DNAAF5: variants seen among roughly 807,000 people sequenced by gnomAD.
DNAAF5 encodes HEAT repeat containing 2.
Under a neutral mutation model 75.8 loss-of-function variants are expected in DNAAF5, and 64 were observed. The ratio of observed to expected loss-of-function variants is 0.84; its 90% confidence interval spans 0.69 to 1.04. DNAAF5 has a LOEUF of 1.04. Among genes scored for constraint, DNAAF5 ranks in the 50% least tolerant of loss-of-function variants. The pLI, the probability that DNAAF5 is intolerant of heterozygous loss-of-function variation, is 0.00. For missense variants in DNAAF5, 1,269 were observed against 1,178.5 expected, an observed-to-expected ratio of 1.08 and a Z score of -1.12; for synonymous variants, 657 against 557.2, an observed-to-expected ratio of 1.18 and a Z score of -2.52.
At chr7:763,024 T>C (rs1782715468) in intron 7 of DNAAF5, among the ~76,000 whole-genome samples, 1 of 152,186 alleles carries the variant, frequency 6.6e-6, no homozygotes, top group Non-Finnish European at 1.5e-5. Flanking sequence ...CCTCCTCCCA[T>C]TCTGTCTCTG....
At chr7:780,380 T>A (rs1047340930) in intron 12 of DNAAF5, among the ~76,000 whole-genome samples, 2 of 152,260 alleles carry the variant, frequency 1.3e-5, no homozygotes, top group East Asian at 3.8e-4. Flanking sequence ...AGAATACTTG[T>A]TAGTTGTTTA....
At chr7:748,425 G>A (rs1039297298) in intron 4 of DNAAF5, among the ~76,000 whole-genome samples, 8 of 152,178 alleles carry the variant, frequency 5.3e-5, no homozygotes, top group Non-Finnish European at 8.8e-5. Flanking sequence ...CCCGTACGTC[G>A]TCTTTGGTGG....
intron 2 of DNAAF5, chr7:732,482 G>A (rs1465338523): frequency 4.4e-6 from 2 of 452,062 alleles, no homozygotes; most frequent in East Asian, 7.0e-5. Flanking sequence ...CCTGCTCGAT[G>A]TGTGCTGCTG....
In DNAAF5 at chr7:761,764, G is replaced by A. The variant is rs1297507581; in HGVS notation, c.1482G>A (p.Leu494=). Reference sequence around the variant, plus strand: ...CCGGTCTCTTCCAGGACCTCTACCTGGAGCGCCTGCTGCTGTGTGTGCAGG... The same window carrying A: ...CCGGTCTCTTCCAGGACCTCTACCTAGAGCGCCTGCTGCTGTGTGTGCAGG... The part of the protein sequence containing the change: ...ICQASENDLY[L]ERLLLCVQAL... Residue 494 remains leucine, a synonymous_variant, in exon 7 of 13, where the codon CTG becomes CTA. Coordinates refer to ENST00000297440, the MANE Select transcript of DNAAF5 (RefSeq NM_017802.4). The A allele has an allele frequency of 1.2e-6, 2 of 1,605,200 alleles. No individual in the cohort carries two copies. The highest frequency in any genetic ancestry group is 1.7e-6 in the Non-Finnish European group (2 of 1,176,212).
At chr7:784,228 C>T (rs1269362609) in intron 12 of DNAAF5, among the ~76,000 whole-genome samples, 1 of 152,174 alleles carries the variant, frequency 6.6e-6, no homozygotes, top group Admixed American at 6.5e-5. Flanking sequence ...CTTGGTCTTT[C>T]CCTCGCCCAT....
At chr7:727,443 C>G in intron 1 of DNAAF5, 128 bp downstream of exon 1, 1 of 381,770 alleles carries the variant, frequency 2.6e-6, no homozygotes, top group Non-Finnish European at 4.1e-6. Context: ...CCCCAACATC[C>G]CGGACCCCCC....
At chr7:765,269 T>C (rs1004410098) in intron 8 of DNAAF5, among the ~76,000 whole-genome samples, 10 of 152,298 alleles carry the variant, frequency 6.6e-5, no homozygotes, top group Non-Finnish European at 5.9e-5. Context: ...TGACCCCGTT[T>C]CACAGACAAG....
At chr7:768,113 G>T (rs1482075390) in intron 8 of DNAAF5, among the ~76,000 whole-genome samples, 1 of 148,880 alleles carries the variant, frequency 6.7e-6, no homozygotes, top group Non-Finnish European at 1.5e-5. Context: ...GCGGAGACAG[G>T]TGATCTGGGC....
At chr7:764,101 AAG>A (rs1169673125) in intron 8 of DNAAF5, 127 bp downstream of exon 8, 6 of 1,001,922 alleles carry the variant, frequency 6.0e-6, no homozygotes, top group East Asian at 5.0e-5. Context: ...GTGTTGTTAA[AAG>A]TACCCAATAG....
intron 4 of DNAAF5, among the ~76,000 whole-genome samples, chr7:743,798 C>T (rs1026184191): frequency 1.3e-5 from 2 of 151,656 alleles, no homozygotes; most frequent in Non-Finnish European, 1.5e-5. Flanking sequence ...GCACTCACCA[C>T]CACGCCCAGC....
In DNAAF5 at chr7:770,960, A is replaced by G. The variant is rs901642729; in HGVS notation, c.1931+342A>G. The G allele has an allele frequency of 1.7e-4, 10 of 59,538 alleles. No homozygotes were observed. In the East Asian group the frequency reaches 1.9e-3, roughly 12 times the overall value. The allele number at this position is 59,538 out of a possible 1,614,324, so 3.7% of individuals were successfully genotyped here. ...AGCAGCTAGTCCATCCTCACTGGGT[A>G]AACACAAGCTCTCGGCAGGGAATGC... On this transcript the variant is annotated intron_variant, in intron 9 of 12. Transcript: ENST00000297440.
intron 10 of DNAAF5, among the ~76,000 whole-genome samples, chr7:774,551 G>A (rs150746106): frequency 0.37 from 55,450 of 151,506 alleles, 10,363 homozygotes; most frequent in Admixed American, 0.4. Flanking sequence ...GACGGGCCTG[G>A]GCTTTCCGCA....
chr7:760,636 C>G (rs200824742), intron 6 of DNAAF5, among the ~76,000 whole-genome samples: 1 of 152,182 alleles, frequency 6.6e-6, no homozygotes, highest in East Asian at 1.9e-4. Context: ...GGCGACAGAG[C>G]AAGACCCTGT....
chr7:755,904 G>A (rs937965922), intron 5 of DNAAF5, among the ~76,000 whole-genome samples: 1 of 152,228 alleles, frequency 6.6e-6, no homozygotes, highest in Admixed American at 6.5e-5. Flanking sequence ...AGGCTGAGAG[G>A]ACGAGAGACG....
chr7:755,503 A>G (rs1199514247), intron 5 of DNAAF5, among the ~76,000 whole-genome samples: 1 of 152,216 alleles, frequency 6.6e-6, no homozygotes, highest in Non-Finnish European at 1.5e-5. Context: ...AGTTGAAAAT[A>G]TCCTCATCTT....
intron 7 of DNAAF5, among the ~76,000 whole-genome samples, chr7:762,758 C>T (rs1158125819): frequency 3.3e-5 from 5 of 151,976 alleles, no homozygotes; most frequent in Admixed American, 2.0e-4. Context: ...GGATTACAGG[C>T]GCCCACCACC....
chr7:785,986 T>G lies in DNAAF5; in HGVS notation c.*333T>G, dbSNP rs1479912768. The G allele has an allele frequency of 1.3e-5, 3 of 239,922 alleles. No homozygotes were observed. The highest frequency in any genetic ancestry group is 2.4e-5 in the Non-Finnish European group (3 of 125,026). The allele number at this position is 239,922 out of a possible 1,614,324, so 14.9% of individuals were successfully genotyped here. On this transcript the variant is annotated 3_prime_UTR_variant, in exon 13 of 13. Coordinates refer to ENST00000297440, the MANE Select transcript of DNAAF5 (RefSeq NM_017802.4). ...CGCAGCTGGTTCATGAACTATTGGCTGCATCCTGCTTAGGTGCCCACCAAG... is the reference window on the plus strand; with the variant it reads ...CGCAGCTGGTTCATGAACTATTGGCGGCATCCTGCTTAGGTGCCCACCAAG...
rs6463933 is a variant in DNAAF5 at position 754,317 on chromosome 7, G to A, written c.1025-272G>A. ...TCTTCCTGTTTTTTATAGAGATGGG[G>A]TCTTTGCCATGTTGCCCAGGCTGGT... On this transcript the variant is annotated intron_variant, in intron 4 of 12. Transcript: ENST00000297440. This position sits in a 1 kb window ranked among gnomAD's most constrained non-coding sequence, Gnocchi z 4.8. 0.18 allele frequency among the ~76,000 whole-genome samples: 27,331 copies of A among 152,092 alleles called. 2,773 individuals are homozygous for A. Among genetic ancestry groups the A allele is most frequent in the East Asian group, 0.28 (1,434 of 5,154 alleles).
intron 11 of DNAAF5, among the ~76,000 whole-genome samples, chr7:776,106 G>A (rs1269707843): frequency 6.6e-6 from 1 of 152,196 alleles, no homozygotes; most frequent in Non-Finnish European, 1.5e-5. Flanking sequence ...TTGGGAGGCT[G>A]AGGCAGGTGG....
Sources: allele counts gnomAD v4.1 joint callset (sites outside exome capture counted in the v4.1 genomes callset), GRCh38; gene constraint gnomAD v4.1.1; non-coding constraint Gnocchi (gnomAD v3.1); transcripts MANE v1.5; gene names NCBI Gene and HGNC (gene_info 2026-07-23, HGNC 2026-07-21).